RALB: variants seen among roughly 807,000 people sequenced by gnomAD.
RALB encodes the protein RAS like proto-oncogene B, also known as ras-related protein Ral-B.
Under a neutral mutation model 21.3 loss-of-function variants are expected in RALB, and 16 were observed. The ratio of observed to expected loss-of-function variants is 0.75; its 90% confidence interval spans 0.51 to 1.14. The LOEUF (loss-of-function observed/expected upper bound fraction) is 1.14. RALB is among the 50% of genes most tolerant of loss of function. The pLI is 0.00. For missense variants in RALB, 161 were observed against 256.2 expected (o/e 0.63, Z 2.54); for synonymous variants, 93 against 96.1 (o/e 0.97, Z 0.19).
chr2:120,288,981 C>G (rs1469004542), intron 3 of RALB, among the ~76,000 whole-genome samples: 1 of 152,158 alleles, frequency 6.6e-6, no homozygotes, highest in East Asian at 1.9e-4. Flanking sequence ...ATTCACCTTT[C>G]CTACTTGAGA....
rs1188115492 is a variant in RALB at position 120,289,238 on chromosome 2, CTTTT to C, written c.324-340_324-337del. Among the ~76,000 whole-genome samples the C allele has an allele frequency of 4.9e-5, 5 of 101,168 alleles. No individual in the cohort carries two copies. In the East Asian group the frequency reaches 6.5e-4, roughly 13 times the overall value. 66.4% of individuals were successfully genotyped at this position (101,168 alleles called of 152,430 possible). The stretch of plus-strand genomic sequence containing the variant: ...ATTGCAGAGATTGACCATTTTTCTT[CTTTT>C]TGTTTTTTTTTTTGTGTGTGCATAA... On this transcript the variant is annotated intron_variant, in intron 3 of 4. Coordinates refer to ENST00000272519, the MANE Select transcript of RALB (RefSeq NM_002881.3).
intron 3 of RALB, among the ~76,000 whole-genome samples, chr2:120,287,783 A>T (rs1370604349): frequency 2.0e-5 from 3 of 152,266 alleles, no homozygotes; most frequent in Admixed American, 1.3e-4. Flanking sequence ...TCCTTAGAAG[A>T]AAAAGGACAG....
Position 120,282,816 on chromosome 2 carries a change from A to G in RALB, c.115-3058A>G, listed in dbSNP as rs72956902. On this transcript the variant is annotated intron_variant, in intron 2 of 4. Transcript: ENST00000272519. ...GGGGAGGAGTTCTAATCGATTTTCT[A>G]AAACGGTGCTAATAGAAACTTCCAT... Among the ~76,000 whole-genome samples the G allele has an allele frequency of 2.6e-5, 4 of 152,076 alleles. No individual in the cohort carries two copies. In the East Asian group the frequency reaches 5.8e-4, roughly 22 times the overall value.
At chr2:120,278,925 A>G (rs747269626) in intron 2 of RALB, 147 bp downstream of exon 2, 4 of 611,764 alleles carry the variant, frequency 6.5e-6, no homozygotes, top group Non-Finnish European at 9.8e-6. Context: ...CTTCCTAGGA[A>G]GGTCTAATCA....
intron 2 of RALB, among the ~76,000 whole-genome samples, chr2:120,282,334 C>T (rs534206873): frequency 6.6e-6 from 1 of 152,138 alleles, no homozygotes; most frequent in South Asian, 2.1e-4. Flanking sequence ...CAAAATTAGC[C>T]TGGTGTGGTG....
rs191668597 is a variant in RALB, at chr2:120,240,076, G to C, written c.-31G>C. 706 of 1,289,546 alleles carry C rather than the reference G, an allele frequency of 5.5e-4. 3 individuals carry two copies. The African/African-American group carries it at 9.9e-3, about 18-fold the overall frequency. 79.9% of individuals were successfully genotyped at this position (1,289,546 alleles called of 1,614,324 possible). On this transcript the variant is annotated 5_prime_UTR_variant, in exon 1 of 4. Coordinates refer to the RALB transcript ENST00000447591. ...GGTCTCTGTGTGGGATTTCAGCAGC[G>C]GGAGAGCGGGTGGCAGGAGGAGGTC...
At chr2:120,252,724 C>A, upstream of RALB, 1 of 957,872 alleles carries the variant, frequency 1.0e-6, no homozygotes, top group Non-Finnish European at 1.2e-6. Flanking sequence ...CTTGGAAAAT[C>A]AGCCTCGGAT....
At chr2:120,269,062 T>C (rs755199056) in intron 1 of RALB, among the ~76,000 whole-genome samples, 1 of 152,246 alleles carries the variant, frequency 6.6e-6, no homozygotes, top group Non-Finnish European at 1.5e-5. Context: ...TCAGTACATA[T>C]AGCACTTCTC....
chr2:120,253,172 C>G (rs1380408274), intron 1 of RALB, 192 bp downstream of exon 1: 1 of 350,196 alleles, frequency 2.9e-6, no homozygotes, highest in Non-Finnish European at 4.0e-6. Context: ...GGAGGACTCC[C>G]TGGGGGAGTC....
intron 1 of RALB, among the ~76,000 whole-genome samples, chr2:120,268,854 G>A (rs982454460): frequency 1.3e-5 from 2 of 152,066 alleles, no homozygotes; most frequent in Non-Finnish European, 2.9e-5. Context: ...GGAAAGGAAA[G>A]AAAAGAAGGA....
At chr2:120,278,864 CGTACACAGGG>C in intron 2 of RALB, 86 bp downstream of exon 2, 1 of 1,270,418 alleles carries the variant, frequency 7.9e-7, no homozygotes, top group Non-Finnish European at 1.0e-6. Context: ...CCGGTCCTCC[CGTACACAGGG>C]GTTCACGGAG....
At chr2:120,273,117 T>C (rs890770527) in intron 1 of RALB, among the ~76,000 whole-genome samples, 2 of 152,170 alleles carry the variant, frequency 1.3e-5, no homozygotes, top group Non-Finnish European at 2.9e-5. Flanking sequence ...GAGAGTTCAG[T>C]GGACTCGAGG....
intron 4 of RALB, among the ~76,000 whole-genome samples, chr2:120,292,587 A>C (rs1294427623): frequency 6.6e-6 from 1 of 152,156 alleles, no homozygotes; most frequent in Non-Finnish European, 1.5e-5. Flanking sequence ...AAATTTTATA[A>C]ATGTATAGAT....
At chr2:120,251,557 C>T (rs566826130), upstream of RALB, among the ~76,000 whole-genome samples, 22 of 152,286 alleles carry the variant, frequency 1.4e-4, no homozygotes, top group Admixed American at 5.2e-4. Flanking sequence ...CTCCTTTAAT[C>T]CTATGCTTCC....
chr2:120,257,795 C>T (rs1206192596), intron 1 of RALB, among the ~76,000 whole-genome samples: 4 of 152,220 alleles, frequency 2.6e-5, no homozygotes, highest in African/African-American at 7.2e-5. Flanking sequence ...TAATCCCCCT[C>T]CTTCCTCCCA....
rs73948778 is a variant in RALB at position 120,272,367 on chromosome 2, G to C, written c.-47-6251G>C. ...ATTGCTTTGGGGAAAATGAATGTCT[G>C]TGCTTCATGTTAGGGACAAAGTATA... On this transcript the variant is annotated intron_variant, in intron 1 of 4. Coordinates refer to ENST00000272519, the MANE Select transcript of RALB (RefSeq NM_002881.3). Among the ~76,000 whole-genome samples the C allele has an allele frequency of 4.7e-3, 710 of 152,312 alleles. 2 individuals carry two copies. The highest frequency in any genetic ancestry group is 0.016 in the African/African-American group (679 of 41,562).
chr2:120,274,912 G>A (rs1689751774), intron 1 of RALB, among the ~76,000 whole-genome samples: 1 of 152,102 alleles, frequency 6.6e-6, no homozygotes, highest in African/African-American at 2.4e-5. Flanking sequence ...ATTGCGATTT[G>A]CTTGTGTTTT....
chr2:120,274,110 A>C (rs1573342620), intron 1 of RALB, among the ~76,000 whole-genome samples: 1 of 152,162 alleles, frequency 6.6e-6, no homozygotes, highest in East Asian at 1.9e-4. Context: ...AATTCATAGA[A>C]CCAGGATTGA....
chr2:120,262,679 T>G (rs1689396691), intron 1 of RALB, among the ~76,000 whole-genome samples: 1 of 152,128 alleles, frequency 6.6e-6, no homozygotes, highest in African/African-American at 2.4e-5. Flanking sequence ...CTTCACATAC[T>G]GACACAGCAG....
Sources: gnomAD v4.1 joint callset for allele counts (sites outside exome capture counted in the v4.1 genomes callset) on GRCh38, gnomAD v4.1.1 for gene constraint, MANE v1.5 for transcripts, NCBI Gene and HGNC (gene_info 2026-07-23, HGNC 2026-07-21) for gene names.